YJU2B: variants seen among roughly 807,000 people sequenced by gnomAD.
YJU2B encodes YJU2 splicing factor homolog B.
YJU2B carries 18 observed loss-of-function variants against 38.0 expected under a neutral mutation model. The observed-to-expected ratio is 0.47, with a 90% confidence interval of 0.33 to 0.70. YJU2B has a LOEUF of 0.70. Ranked by LOEUF, YJU2B falls within the 30% of genes least tolerant of loss-of-function variation. The pLI is 0.02. For synonymous variants in YJU2B, 246 were observed against 225.4 expected (o/e 1.09, Z -0.82); for missense variants, 538 against 556.3 (o/e 0.97, Z 0.33).
At chr19:13,755,703 C>T (rs1437688439) in intron 3 of YJU2B, among the ~76,000 whole-genome samples, 1 of 152,118 alleles carries the variant, frequency 6.6e-6, no homozygotes, top group Non-Finnish European at 1.5e-5. Context: ...CACCCGGAAT[C>T]CCAGCACTTT....
At chr19:13,760,225 A>G (rs935643411) in intron 8 of YJU2B, among the ~76,000 whole-genome samples, 1 of 152,052 alleles carries the variant, frequency 6.6e-6, no homozygotes, top group Non-Finnish European at 1.5e-5. Flanking sequence ...AGACCAGCCA[A>G]AATAAACAAT....
chr19:13,736,612 C>T (rs975343539), intron 2 of YJU2B, among the ~76,000 whole-genome samples: 19 of 152,082 alleles, frequency 1.2e-4, no homozygotes, highest in African/African-American at 4.4e-4. Flanking sequence ...CAAAGACTCC[C>T]TCATTCATTT....
rs1270740065 is a variant in YJU2B, at chr19:13,747,950, G to A, written c.-206G>A. ...GGTCAGGGCGTGACGTCGGGAGGAG[G>A]GCAGGTAAGTGCCGGCGGGCGGAGG... On this transcript the variant is annotated 5_prime_UTR_variant, in exon 1 of 10. Coordinates refer to ENST00000221554, the MANE Select transcript of YJU2B (RefSeq NM_030818.4). 6.6e-6 allele frequency: 1 copy of A among 152,282 alleles called. No individual in the cohort carries two copies. Among genetic ancestry groups the A allele is most frequent in the African/African-American group, 2.4e-5 (1 of 41,470 alleles). 9.4% of individuals were successfully genotyped at this position (152,282 alleles called of 1,614,324 possible).
rs763356217 is a variant in YJU2B, at chr19:13,762,962, C to T, written c.1085C>T (p.Ser362Leu). The T allele has an allele frequency of 2.5e-6, 4 of 1,611,792 alleles. No homozygotes were observed. The South Asian group carries it at 3.3e-5, about 13-fold the overall frequency. The change falls in exon 10 of 10, where the codon TCG (serine) becomes TTG (leucine). Residue 362 changes from serine (S) to leucine (L), a missense_variant. Ser to Leu is a moderately radical substitution (Grantham distance 145). Transcript: ENST00000221554. ...GGGAGCCGTCAGGACAAGCCCCTGT[C>T]GCCAGCAGGCTCCTCCCAGGAGGCA... ...QEGSRQDKPL[S>L]PAGSSQEAAD...
intron 1 of YJU2B, among the ~76,000 whole-genome samples, chr19:13,748,323 C>A (rs1384559002): frequency 6.6e-6 from 1 of 152,170 alleles, no homozygotes; most frequent in Non-Finnish European, 1.5e-5. Flanking sequence ...TTTAACTCGG[C>A]GTCAGGCGCT....
chr19:13,753,797 G>A (rs1047819973), intron 2 of YJU2B, among the ~76,000 whole-genome samples: 11 of 152,026 alleles, frequency 7.2e-5, no homozygotes, highest in Non-Finnish European at 1.5e-4. Context: ...GAACTCATTC[G>A]CTGTCATGAG....
In YJU2B at chr19:13,762,594, C is replaced by G. The variant is rs766112312; in HGVS notation, c.717C>G (p.Tyr239Ter). The change falls in exon 10 of 10, where the codon TAC becomes TAG. Residue 239 changes from tyrosine (Y) to a stop codon, truncating the protein, a stop_gained. Coordinates refer to ENST00000221554, the MANE Select transcript of YJU2B (RefSeq NM_030818.4). LOFTEE classifies it low-confidence loss of function (END_TRUNC). ...ALLKFHTLDS[Y>*]EDKQKLKRTE... ...ATGTCCTCTCCTCTCCTCTAGCCTA[C>G]GAGGACAAGCAGAAACTCAAGCGGA... 2 of 1,528,238 alleles carry G rather than the reference C, an allele frequency of 1.3e-6. No homozygotes were observed. The highest frequency in any genetic ancestry group is 1.3e-5 in the South Asian group (1 of 79,126). The allele number at this position is 1,528,238 out of a possible 1,614,324, so 94.7% of individuals were successfully genotyped here. A position where few individuals can be genotyped will look rare whatever the true frequency, so the allele number is the denominator to read the frequency against.
chr19:13,734,176 C>T (rs535208389), intron 2 of YJU2B, among the ~76,000 whole-genome samples: 1 of 152,310 alleles, frequency 6.6e-6, no homozygotes, highest in East Asian at 1.9e-4. Flanking sequence ...GACCCTCTCA[C>T]CTCAGTTTCC....
At chr19:13,740,788 G>A (rs570321146) in intron 2 of YJU2B, among the ~76,000 whole-genome samples, 12 of 152,262 alleles carry the variant, frequency 7.9e-5, no homozygotes, top group Non-Finnish European at 1.6e-4. Flanking sequence ...GCCTCCCTTG[G>A]GCTCCCAAAG....
intron 2 of YJU2B, among the ~76,000 whole-genome samples, chr19:13,733,074 T>C (rs1004555086): frequency 1.7e-4 from 25 of 151,430 alleles, no homozygotes; most frequent in African/African-American, 6.1e-4. Context: ...GGACTACAGG[T>C]GCCCGCCACC....
intron 1 of YJU2B, among the ~76,000 whole-genome samples, chr19:13,749,990 G>A (rs920950227): frequency 1.3e-5 from 2 of 152,052 alleles, no homozygotes; most frequent in South Asian, 2.1e-4. Flanking sequence ...CTAGTTTGAG[G>A]AGCCCCTGCA....
At chr19:13,745,738 TATATAG>T (rs1439838096), upstream of YJU2B, among the ~76,000 whole-genome samples, 1,734 of 93,698 alleles carry the variant, frequency 0.019, 35 homozygotes, top group Middle Eastern at 0.051. Flanking sequence ...TATATATATA[TATATAG>T]ATATATATAT....
At chr19:13,754,427 G>A in intron 3 of YJU2B, 85 bp downstream of exon 3, 1 of 1,138,834 alleles carries the variant, frequency 8.8e-7, no homozygotes, top group South Asian at 1.2e-5. Context: ...GCTGCGGAAG[G>A]ATGGGTGGCC....
chr19:13,749,007 C>G (rs1482663459), intron 1 of YJU2B, among the ~76,000 whole-genome samples: 2 of 152,182 alleles, frequency 1.3e-5, no homozygotes, highest in Non-Finnish European at 2.9e-5. Context: ...CAGCTTCTTT[C>G]TTTCTTTTTG....
intron 8 of YJU2B, 109 bp from the exon 9 acceptor site, chr19:13,762,190 C>A: frequency 1.5e-6 from 2 of 1,321,078 alleles, no homozygotes; most frequent in South Asian, 2.8e-5. Context: ...ATGAAACTGT[C>A]TCAAAAAGAG....
At position 13,754,459 on chromosome 19, in the gene YJU2B, G is replaced by GCT. The variant is rs1973588217; in HGVS notation, c.57+118_57+119insTC. On this transcript the variant is annotated intron_variant, in intron 3 of 9. Coordinates refer to ENST00000221554, the MANE Select transcript of YJU2B (RefSeq NM_030818.4). ...GGCCCCCAAGGTCTTTTTGTCTTCT[G>GCT]CATGTCACCTGAGTCTCGAGGCTGT... 5 of 847,486 alleles carry GCT rather than the reference G, an allele frequency of 5.9e-6. No homozygotes were observed. In the African/African-American group the frequency reaches 8.4e-5, roughly 14 times the overall value. 52.5% of individuals were successfully genotyped at this position (847,486 alleles called of 1,614,324 possible). A position where few individuals can be genotyped will look rare whatever the true frequency, so the allele number is the denominator to read the frequency against.
At chr19:13,733,761 C>T (rs1024482413) in intron 2 of YJU2B, among the ~76,000 whole-genome samples, 1 of 152,080 alleles carries the variant, frequency 6.6e-6, no homozygotes, top group African/African-American at 2.4e-5. Flanking sequence ...ATGAACACTC[C>T]CTCCCAACCC....
chr19:13,754,191 A>T (rs1019134757), intron 2 of YJU2B, 98 bp from the exon 3 acceptor site: 5 of 929,730 alleles, frequency 5.4e-6, no homozygotes, highest in African/African-American at 3.3e-5. Flanking sequence ...ATAGTAAAAT[A>T]AAAAATCAGA....
rs746228629 is a variant in YJU2B at position 13,762,547 on chromosome 19, C to A, written c.713-43C>A. On this transcript the variant is annotated intron_variant, in intron 9 of 9. Coordinates refer to ENST00000221554, the MANE Select transcript of YJU2B (RefSeq NM_030818.4). ...GGTCTACCAGAGGGCAGTTCTGGAC[C>A]CCCTCCCCTGCCGCCCCTGAAATGT... 3 of 1,534,648 alleles carry A rather than the reference C, an allele frequency of 2.0e-6. No individual in the cohort carries two copies. The South Asian group carries it at 3.7e-5, about 19-fold the overall frequency.
Sources: gnomAD v4.1 joint callset for allele counts (sites outside exome capture counted in the v4.1 genomes callset) on GRCh38, gnomAD v4.1.1 for gene constraint, MANE v1.5 for transcripts, NCBI Gene and HGNC (gene_info 2026-07-23, HGNC 2026-07-21) for gene names.